Variants in MALRD1 observed in about 807,000 individuals in gnomAD.
MALRD1 encodes the protein MAM and LDL-receptor class A domain-containing protein 1.
In MALRD1, 247 loss-of-function variants were observed where a neutral mutation model predicts 242.1. That is an observed-to-expected ratio of 1.02 (90% CI 0.92 to 1.13). MALRD1 has a LOEUF of 1.13. Ranked by LOEUF, MALRD1 falls within the 50% of genes most tolerant of loss-of-function variation. The pLI, the probability that MALRD1 is intolerant of heterozygous loss-of-function variation, is 0.00. For missense variants in MALRD1, 2,989 were observed against 2,533.1 expected (o/e 1.18, Z -3.86); for synonymous variants, 995 against 866.6 (o/e 1.15, Z -2.60).
At chr10:19,556,107 C>G (rs767675116) in intron 32 of MALRD1, among the ~76,000 whole-genome samples, 7 of 152,120 alleles carry the variant, frequency 4.6e-5, no homozygotes, top group Non-Finnish European at 7.4e-5. Context: ...TACTTTTAAA[C>G]ATTAAACAGC....
At chr10:19,100,060 A>C (rs1053601227) in intron 4 of MALRD1, among the ~76,000 whole-genome samples, 1 of 151,982 alleles carries the variant, frequency 6.6e-6, no homozygotes, top group South Asian at 2.1e-4. Flanking sequence ...CATAATAATA[A>C]ATTTTTTTCT....
intron 19 of MALRD1, among the ~76,000 whole-genome samples, chr10:19,261,446 TA>T (rs531115191): frequency 2.0e-3 from 270 of 134,928 alleles, no homozygotes; most frequent in Middle Eastern, 3.8e-3. Flanking sequence ...GAGCTCTACG[TA>T]AAAAAAAAAA....
At chr10:19,342,763 T>C (rs1394515844) in intron 24 of MALRD1, among the ~76,000 whole-genome samples, 1 of 152,116 alleles carries the variant, frequency 6.6e-6, no homozygotes, top group East Asian at 1.9e-4. Context: ...TCAGCTGTCC[T>C]GACTGCAGCT....
chr10:19,526,773 C>G (rs1348233181), intron 31 of MALRD1, among the ~76,000 whole-genome samples: 1 of 152,134 alleles, frequency 6.6e-6, no homozygotes, highest in Non-Finnish European at 1.5e-5. Flanking sequence ...AGTGGATTAT[C>G]ATTCCCAGTG....
At chr10:19,554,922 G>T (rs1179470716) in intron 32 of MALRD1, among the ~76,000 whole-genome samples, 1 of 152,104 alleles carries the variant, frequency 6.6e-6, no homozygotes, top group Non-Finnish European at 1.5e-5. Flanking sequence ...TAATGGGATT[G>T]CTGGGTCAGA....
intron 13 of MALRD1, among the ~76,000 whole-genome samples, chr10:19,168,258 C>T (rs918262396): frequency 6.6e-6 from 1 of 152,178 alleles, no homozygotes; most frequent in Admixed American, 6.5e-5. Context: ...AAAGGCTGGT[C>T]ATGGAATCAT....
At chr10:19,305,845 T>A (rs1298061210) in intron 21 of MALRD1, among the ~76,000 whole-genome samples, 3 of 135,570 alleles carry the variant, frequency 2.2e-5, no homozygotes, top group Non-Finnish European at 4.6e-5. Context: ...ATATATTATG[T>A]ATATACTATA....
chr10:19,123,192 A>G (rs1416842022), intron 5 of MALRD1, among the ~76,000 whole-genome samples: 2 of 152,282 alleles, frequency 1.3e-5, no homozygotes, highest in African/African-American at 2.4e-5. Flanking sequence ...TTTTACTCCT[A>G]TGAAGGATTG....
At chr10:19,666,270 C>T (rs1841680709) in intron 36 of MALRD1, among the ~76,000 whole-genome samples, 1 of 152,170 alleles carries the variant, frequency 6.6e-6, no homozygotes, top group South Asian at 2.1e-4. Flanking sequence ...TTGGTCCTTT[C>T]AATTCTCTGA....
chr10:19,622,546 C>T (rs1374994534), intron 36 of MALRD1, among the ~76,000 whole-genome samples: 2 of 150,958 alleles, frequency 1.3e-5, no homozygotes, highest in Non-Finnish European at 3.0e-5. Flanking sequence ...ATAAGTTTAA[C>T]ACAATCTCAA....
rs144879319 is a variant in MALRD1, at chr10:19,131,495, C to A, written c.1111-2361C>A. ...CGTCCATGATCTATAAAATAATACT[C>A]ATAGCAACAGCCTACTTTTGTTCTG... On this transcript the variant is annotated intron_variant, in intron 8 of 39. Transcript: ENST00000454679. 6.6e-4 allele frequency among the ~76,000 whole-genome samples: 101 copies of A among 152,236 alleles called. No individual in the cohort carries two copies. In the South Asian group the frequency reaches 0.015, roughly 22 times the overall value.
intron 12 of MALRD1, among the ~76,000 whole-genome samples, chr10:19,164,594 A>T (rs1301427620): frequency 6.6e-6 from 1 of 152,186 alleles, no homozygotes; most frequent in Non-Finnish European, 1.5e-5. Context: ...TGACTGCAGC[A>T]TATCTGAACT....
intron 10 of MALRD1, among the ~76,000 whole-genome samples, chr10:19,140,543 A>ATGTGTGTG (rs34024633): frequency 0.05 from 7,304 of 147,008 alleles, 211 homozygotes; most frequent in Middle Eastern, 0.09. Flanking sequence ...GTGTGTGTGT[A>ATGTGTGTG]TGTGTGTGTG....
rs549974721 is a variant in MALRD1 at position 19,714,639 on chromosome 10, C to G, written c.6315-16067C>G. ...ACCTGCCTTTTCTACCCAGCACTTCCCTGTCCCCCTCCCCGTATCAATGTG... is the reference window on the plus strand; with the variant it reads ...ACCTGCCTTTTCTACCCAGCACTTCGCTGTCCCCCTCCCCGTATCAATGTG... On this transcript the variant is annotated intron_variant, in intron 38 of 39. Coordinates refer to ENST00000454679, the MANE Select transcript of MALRD1 (RefSeq NM_001142308.3). Among the ~76,000 whole-genome samples the G allele has an allele frequency of 6.8e-4, 104 of 152,244 alleles. No individual in the cohort carries two copies. In the South Asian group the frequency reaches 0.021, roughly 30 times the overall value.
chr10:19,306,101 G>GTATATATATACTATATACTATATACTAT (rs1564546829), intron 21 of MALRD1, among the ~76,000 whole-genome samples: 1 of 109,098 alleles, frequency 9.2e-6, no homozygotes, highest in African/African-American at 3.8e-5. Flanking sequence ...CTATATACTA[G>GTATATATATACTATATACTATATACTAT]ATAGTATATA....
chr10:19,237,571 T>C lies in MALRD1; in HGVS notation c.2992-20113T>C, dbSNP rs1471454420. On this transcript the variant is annotated intron_variant, in intron 18 of 39. Coordinates refer to ENST00000454679, the MANE Select transcript of MALRD1 (RefSeq NM_001142308.3). ...ATAATTATAATTACACATAAAATTA[T>C]ATATAATTATAATTATATAATTATA... 3.3e-5 allele frequency among the ~76,000 whole-genome samples: 4 copies of C among 121,238 alleles called. No individual in the cohort carries two copies. The East Asian group carries it at 9.3e-4, about 28-fold the overall frequency. The allele number at this position is 121,238 out of a possible 152,430, so 79.5% of individuals were successfully genotyped here.
chr10:19,611,668 A>ACT (rs1226872920), intron 35 of MALRD1, among the ~76,000 whole-genome samples: 8 of 151,978 alleles, frequency 5.3e-5, no homozygotes, highest in African/African-American at 1.7e-4. Context: ...TCCTGGAAAT[A>ACT]CTCAGCCTCT....
intron 1 of MALRD1, among the ~76,000 whole-genome samples, chr10:19,061,893 C>G (rs1034319169): frequency 6.6e-6 from 1 of 152,092 alleles, no homozygotes; most frequent in Admixed American, 6.6e-5. Flanking sequence ...CAATATGACA[C>G]CAACAGCACA....
intron 32 of MALRD1, among the ~76,000 whole-genome samples, chr10:19,552,962 T>C (rs955165684): frequency 1.3e-5 from 2 of 152,242 alleles, no homozygotes; most frequent in Admixed American, 6.6e-5. Flanking sequence ...AATTTTAATA[T>C]GCAAGTGTTT....
Sources: gnomAD v4.1 joint callset for allele counts (sites outside exome capture counted in the v4.1 genomes callset) on GRCh38, gnomAD v4.1.1 for gene constraint, MANE v1.5 for transcripts, NCBI Gene and HGNC (gene_info 2026-07-23, HGNC 2026-07-21) for gene names.